PTPRD: variants seen among roughly 807,000 people sequenced by gnomAD.
PTPRD encodes the protein receptor-type tyrosine-protein phosphatase delta.
In PTPRD, 34 loss-of-function variants were observed where a neutral mutation model predicts 214.5. The ratio of observed to expected loss-of-function variants is 0.16; its 90% confidence interval spans 0.12 to 0.21. PTPRD has a LOEUF of 0.21. Ranked by LOEUF, PTPRD falls within the 10% of genes least tolerant of loss-of-function variation. The pLI is 1.00. For missense variants in PTPRD, 2,545 were observed against 2,398.7 expected, an observed-to-expected ratio of 1.06 and a Z score of -1.27; for synonymous variants, 1,128 against 845.7, an observed-to-expected ratio of 1.33 and a Z score of -5.79.
chr9:9,361,173 C>T (rs552497566), intron 9 of PTPRD, among the ~76,000 whole-genome samples: 1 of 151,248 alleles, frequency 6.6e-6, no homozygotes, highest in East Asian at 2.0e-4. Flanking sequence ...AGGCTTACAA[C>T]TCAATTGTAA....
intron 39 of PTPRD, among the ~76,000 whole-genome samples, chr9:8,346,831 G>A (rs1445339013): frequency 1.3e-5 from 2 of 152,136 alleles, no homozygotes; most frequent in Admixed American, 1.3e-4. Context: ...AGGTTGCTAA[G>A]ATCTATGGTA....
chr9:9,408,653 A>C (rs1304401884), intron 8 of PTPRD, among the ~76,000 whole-genome samples: 2 of 151,916 alleles, frequency 1.3e-5, no homozygotes, highest in Non-Finnish European at 3.0e-5. Flanking sequence ...TATATTAAGG[A>C]AAGAATAGGG....
At chr9:10,067,128 T>C (rs952673122) in intron 3 of PTPRD, among the ~76,000 whole-genome samples, 37 of 151,906 alleles carry the variant, frequency 2.4e-4, no homozygotes, top group African/African-American at 8.7e-4. Flanking sequence ...AAAATTGGGA[T>C]TGCAGTGCTT....
At chr9:10,515,894 G>A (rs1589868714) in intron 2 of PTPRD, among the ~76,000 whole-genome samples, 3 of 151,776 alleles carry the variant, frequency 2.0e-5, no homozygotes, top group African/African-American at 7.3e-5. Flanking sequence ...CATCCATGTT[G>A]TCACATATGG....
chr9:9,415,940 G>C (rs565123941), intron 8 of PTPRD, among the ~76,000 whole-genome samples: 13 of 152,300 alleles, frequency 8.5e-5, no homozygotes, highest in African/African-American at 3.1e-4. Context: ...AAAAAAAGCA[G>C]AGTGCTTTTG....
chr9:8,424,234 A>G (rs943322320), intron 35 of PTPRD, among the ~76,000 whole-genome samples: 3 of 152,186 alleles, frequency 2.0e-5, no homozygotes, highest in African/African-American at 7.2e-5. Flanking sequence ...ACCTTAACAG[A>G]TAAGTTAATG....
At chr9:8,864,449 G>C (rs960721097) in intron 11 of PTPRD, among the ~76,000 whole-genome samples, 11 of 152,186 alleles carry the variant, frequency 7.2e-5, no homozygotes, top group African/African-American at 2.2e-4. Flanking sequence ...ATAAACGAGA[G>C]TAAAACACGA....
intron 9 of PTPRD, among the ~76,000 whole-genome samples, chr9:9,349,790 T>C (rs763985957): frequency 9.9e-5 from 15 of 151,992 alleles, no homozygotes; most frequent in Non-Finnish European, 1.6e-4. Context: ...ATTGTAAATA[T>C]GTCTCATCAC....
chr9:8,800,648 C>G (rs949556155), intron 11 of PTPRD, among the ~76,000 whole-genome samples: 2 of 152,178 alleles, frequency 1.3e-5, no homozygotes, highest in African/African-American at 4.8e-5. Context: ...AACATTACAT[C>G]AAGAAATAAC....
chr9:9,379,040 G>A (rs2061496643), intron 9 of PTPRD, among the ~76,000 whole-genome samples: 1 of 151,080 alleles, frequency 6.6e-6, no homozygotes, highest in South Asian at 2.1e-4. Flanking sequence ...TTTCTTTCAT[G>A]TTCTGAGTCT....
chr9:9,694,616 C>G (rs1446443655), intron 7 of PTPRD, among the ~76,000 whole-genome samples: 1 of 151,956 alleles, frequency 6.6e-6, no homozygotes, highest in East Asian at 1.9e-4. Flanking sequence ...AGTAAAAAAA[C>G]CTTAGCAACT....
At chr9:8,386,119 C>T (rs1376089588) in intron 37 of PTPRD, among the ~76,000 whole-genome samples, 1 of 152,184 alleles carries the variant, frequency 6.6e-6, no homozygotes, top group Non-Finnish European at 1.5e-5. Flanking sequence ...TCAATACCCA[C>T]AATAACCCTT....
At chr9:8,524,538 A>G (rs1167176857) in intron 18 of PTPRD, among the ~76,000 whole-genome samples, 1 of 152,186 alleles carries the variant, frequency 6.6e-6, no homozygotes, top group East Asian at 1.9e-4. Flanking sequence ...CAGAGAACTG[A>G]TTAGTAGCAC....
chr9:8,450,649 C>G (rs1396497541), intron 33 of PTPRD, among the ~76,000 whole-genome samples: 1 of 152,160 alleles, frequency 6.6e-6, no homozygotes, highest in Admixed American at 6.5e-5. Context: ...TAAAAGCTAT[C>G]TACTAGCTTT....
intron 3 of PTPRD, among the ~76,000 whole-genome samples, chr9:10,158,731 C>A (rs533713099): frequency 3.3e-5 from 5 of 152,226 alleles, no homozygotes; most frequent in South Asian, 4.2e-4. Context: ...TGGAAAATTT[C>A]CCCCTGACTT....
intron 9 of PTPRD, among the ~76,000 whole-genome samples, chr9:9,383,008 C>G (rs1473670856): frequency 6.6e-6 from 1 of 150,930 alleles, no homozygotes; most frequent in Admixed American, 6.6e-5. Flanking sequence ...TTTGCAACAA[C>G]ATGGGTGAAT....
At chr9:9,078,635 T>A (rs557208108) in intron 10 of PTPRD, among the ~76,000 whole-genome samples, 1 of 150,340 alleles carries the variant, frequency 6.7e-6, no homozygotes, top group Non-Finnish European at 1.5e-5. Flanking sequence ...AAAGGAGTTG[T>A]GTTTAGAAGG....
At chr9:10,020,279 A>C (rs1434370928) in intron 4 of PTPRD, among the ~76,000 whole-genome samples, 1 of 152,160 alleles carries the variant, frequency 6.6e-6, no homozygotes, top group Admixed American at 6.6e-5. Flanking sequence ...GCTTAGGTGT[A>C]TATCAATACA....
chr9:9,962,281 C>G (rs1368238325), intron 4 of PTPRD, among the ~76,000 whole-genome samples: 1 of 151,326 alleles, frequency 6.6e-6, no homozygotes, highest in Non-Finnish European at 1.5e-5. Flanking sequence ...TTTAAGACAA[C>G]CAAATTGAGA....
Sources: gnomAD v4.1 joint callset for allele counts (sites outside exome capture counted in the v4.1 genomes callset) on GRCh38, gnomAD v4.1.1 for gene constraint, MANE v1.5 for transcripts, NCBI Gene and HGNC (gene_info 2026-07-23, HGNC 2026-07-21) for gene names.